DEFB114: variants seen among roughly 807,000 people sequenced by gnomAD.
DEFB114 encodes defensin beta 114.
Under a neutral mutation model 2.4 loss-of-function variants are expected in DEFB114, and 4 were observed. The ratio of observed to expected loss-of-function variants is 1.67; its 90% CI spans 0.82 to 3.82. DEFB114 has a LOEUF of 3.82. DEFB114 is among the 30% of genes most tolerant of loss of function. The pLI is 0.01. For missense variants in DEFB114, 113 were observed against 85.8 expected (o/e 1.32, Z -1.25); for synonymous variants, 35 against 24.6 (o/e 1.42, Z -1.26).
intron 1 of DEFB114, among the ~76,000 whole-genome samples, chr6:49,961,502 C>G (rs1372947598): frequency 6.6e-6 from 1 of 150,748 alleles, no homozygotes. Context: ...CTCTAGATCT[C>G]TTTCAGCTAT....
Position 49,964,086 on chromosome 6 carries a change from A to G in DEFB114, c.20T>C (p.Leu7Pro). 2 of 1,586,040 alleles carry G rather than the reference A, an allele frequency of 1.3e-6. No homozygotes were observed. The highest frequency in any genetic ancestry group is 8.6e-7 in the Non-Finnish European group (1 of 1,162,730). Reference protein sequence around the residue: MRIFYYLHFLCYVTFIL... With the variant: MRIFYYPHFLCYVTFIL... ...GAAGGTCACATAACACAGAAAATGG[A>G]GATAGTAAAAGATCCTCATTCTGTA... is the stretch of plus-strand genomic sequence containing the variant. The change falls in exon 1 of 2, where the codon CTC becomes CCC. Residue 7 changes from leucine (L) to proline (P), a missense_variant. Transcript: ENST00000322066.
rs533779730 is a variant in DEFB114 at position 49,964,145 on chromosome 6, A to G, written c.-40T>C. On this transcript the variant is annotated 5_prime_UTR_variant, in exon 1 of 2. Transcript: ENST00000322066. Reference sequence around the variant, plus strand: ...TTGTTGAAAGACTTGATAACAGAATATAGAGACTATAGAACTTTCCAAAAC... The same window carrying G: ...TTGTTGAAAGACTTGATAACAGAATGTAGAGACTATAGAACTTTCCAAAAC... 1.1e-5 allele frequency: 16 copies of G among 1,428,654 alleles called. No homozygotes were observed. The highest frequency in any genetic ancestry group is 1.3e-5 in the Non-Finnish European group (14 of 1,037,322). The allele number at this position is 1,428,654 out of a possible 1,614,324, so 88.5% of individuals were successfully genotyped here.
chr6:49,963,828 G>A (rs1456039293), intron 1 of DEFB114, among the ~76,000 whole-genome samples: 2 of 149,924 alleles, frequency 1.3e-5, no homozygotes, highest in Admixed American at 6.7e-5. Context: ...ATTGAAAGAT[G>A]TTGTCTTCAT....
At chr6:49,960,812 G>A (rs1773446229) in intron 1 of DEFB114, among the ~76,000 whole-genome samples, 1 of 150,530 alleles carries the variant, frequency 6.6e-6, no homozygotes, top group Non-Finnish European at 1.5e-5. Flanking sequence ...TAATATTTTA[G>A]GATTATGATA....
At chr6:49,961,228 T>C (rs1268364267) in intron 1 of DEFB114, among the ~76,000 whole-genome samples, 1 of 150,764 alleles carries the variant, frequency 6.6e-6, no homozygotes, top group Non-Finnish European at 1.5e-5. Flanking sequence ...TATTTTTATA[T>C]GCAGAAATGT....
intron 1 of DEFB114, 29 bp downstream of exon 1, chr6:49,964,022 C>A: frequency 1.3e-6 from 2 of 1,499,070 alleles, no homozygotes; most frequent in Non-Finnish European, 9.1e-7. Flanking sequence ...AGAAGTTTTA[C>A]ACAAATATAA....
At chr6:49,963,906 A>G (rs557420975) in intron 1 of DEFB114, 145 bp downstream of exon 1, 156 of 596,280 alleles carry the variant, frequency 2.6e-4, no homozygotes, top group Non-Finnish European at 3.9e-4. Flanking sequence ...GATATTATCA[A>G]TGAGGAAACC....
intron 1 of DEFB114, 116 bp downstream of exon 1, chr6:49,963,935 G>T: frequency 1.4e-6 from 1 of 736,916 alleles, no homozygotes; most frequent in Non-Finnish European, 2.2e-6. Flanking sequence ...GTATAATAAA[G>T]ACACTTATTT....
chr6:49,962,552 T>C (rs143372195), intron 1 of DEFB114, among the ~76,000 whole-genome samples: 25 of 150,654 alleles, frequency 1.7e-4, no homozygotes, highest in Non-Finnish European at 3.1e-4. Context: ...TTGCTTTTTT[T>C]AGTTGGTGTT....
chr6:49,962,164 G>A (rs541232309), intron 1 of DEFB114, among the ~76,000 whole-genome samples: 3 of 150,586 alleles, frequency 2.0e-5, no homozygotes, highest in African/African-American at 4.8e-5. Context: ...AATAGATAAT[G>A]CCAAACAGAT....
chr6:49,960,384 A>G lies in DEFB114; in HGVS notation c.118T>C (p.Cys40Arg). Reference sequence around the variant, plus strand: ...TCTATTTGCTTTTCACTCTCAAGACAGTCTCTTTTACAACGACCGTAACGT... The same window carrying G: ...TCTATTTGCTTTTCACTCTCAAGACGGTCTCTTTTACAACGACCGTAACGT... ...TKRYGRCKRD[C>R]LESEKQIDIC... Residue 40 changes from cysteine (C) to arginine (R), a missense_variant, in exon 2 of 2, where the codon TGT becomes CGT. Transcript: ENST00000322066. The G allele has an allele frequency of 6.2e-7, 1 of 1,608,818 alleles. No individual in the cohort carries two copies. Among genetic ancestry groups the G allele is most frequent in the African/African-American group, 1.3e-5 (1 of 74,432 alleles).
intron 1 of DEFB114, among the ~76,000 whole-genome samples, chr6:49,963,135 T>C (rs920698197): frequency 6.7e-6 from 1 of 150,184 alleles, no homozygotes; most frequent in Non-Finnish European, 1.5e-5. Flanking sequence ...AATAAAAGGA[T>C]GTTTCTAACT....
Position 49,960,269 on chromosome 6 carries a change from T to C in DEFB114, c.*23A>G. The C allele has an allele frequency of 1.9e-6, 3 of 1,575,542 alleles. No homozygotes were observed. Among genetic ancestry groups the C allele is most frequent in the Non-Finnish European group, 2.6e-6 (3 of 1,162,892 alleles). On this transcript the variant is annotated 3_prime_UTR_variant, in exon 2 of 2. Transcript: ENST00000322066. ...TGCACTGGTGCACATGTAACTTCTTTGTTCAGAGGTATGCCTTTCTTTTCA... is the reference window on the plus strand; with the variant it reads ...TGCACTGGTGCACATGTAACTTCTTCGTTCAGAGGTATGCCTTTCTTTTCA...
Position 49,964,152 on chromosome 6 carries a change from C to A in DEFB114, c.-47G>T. On this transcript the variant is annotated 5_prime_UTR_variant, in exon 1 of 2. Transcript: ENST00000322066. ...AAGACTTGATAACAGAATATAGAGA[C>A]TATAGAACTTTCCAAAACCCAAAAG... is the stretch of plus-strand genomic sequence containing the variant. The A allele has an allele frequency of 1.5e-6, 2 of 1,373,938 alleles. No homozygotes were observed. Among genetic ancestry groups the A allele is most frequent in the Non-Finnish European group, 2.0e-6 (2 of 1,002,388 alleles). 85.1% of individuals were successfully genotyped at this position (1,373,938 alleles called of 1,614,324 possible).
intron 1 of DEFB114, among the ~76,000 whole-genome samples, chr6:49,963,227 A>G (rs1280683031): frequency 2.0e-5 from 3 of 150,222 alleles, no homozygotes; most frequent in African/African-American, 7.3e-5. Context: ...ATACAGATGC[A>G]AAAAGTTTCT....
At position 49,960,990 on chromosome 6, in the gene DEFB114, A is replaced by G. The variant is rs12201015; in HGVS notation, c.56-544T>C. ...GTTGAATACTTTTCCTTCTTTTTAT[A>G]AAATTTTTTACATGCTTTGTTGATT... On this transcript the variant is annotated intron_variant, in intron 1 of 1. Coordinates refer to ENST00000322066, the MANE Select transcript of DEFB114 (RefSeq NM_001037499.2). Among the ~76,000 whole-genome samples the G allele has an allele frequency of 4.2e-3, 634 of 150,888 alleles. 1 individual carries two copies. Among genetic ancestry groups the G allele is most frequent in the Non-Finnish European group, 7.8e-3 (525 of 67,190 alleles).
chr6:49,962,585 A>G (rs1173660205), intron 1 of DEFB114, among the ~76,000 whole-genome samples: 1 of 150,452 alleles, frequency 6.6e-6, no homozygotes, highest in African/African-American at 2.4e-5. Flanking sequence ...AAAGTTTCCA[A>G]ATTTTAATGT....
chr6:49,960,530 A>G, intron 1 of DEFB114, 84 bp from the exon 2 acceptor site: 2 of 1,395,782 alleles, frequency 1.4e-6, no homozygotes, highest in Non-Finnish European at 1.9e-6. Flanking sequence ...TGATGTGTAC[A>G]TTGTATCAAG....
Position 49,960,393 on chromosome 6 carries a change from TACA to T in DEFB114, c.106_108del (p.Cys36del), listed in dbSNP as rs772172398. 6 of 1,608,372 alleles carry T rather than the reference TACA, an allele frequency of 3.7e-6. No homozygotes were observed. In the South Asian group the frequency reaches 6.6e-5, roughly 18 times the overall value. Reference sequence around the variant, plus strand: ...TTTTCACTCTCAAGACAGTCTCTTTTACAACGACCGTAACGTTTGGTGCAACGA... The same window carrying T: ...TTTTCACTCTCAAGACAGTCTCTTTTACGACCGTAACGTTTGGTGCAACGA... On this transcript the variant is annotated inframe_deletion, in exon 2 of 2. Transcript: ENST00000322066.
Sources: allele counts gnomAD v4.1 joint callset (sites outside exome capture counted in the v4.1 genomes callset), GRCh38; gene constraint gnomAD v4.1.1; transcripts MANE v1.5; gene names NCBI Gene and HGNC (gene_info 2026-07-23, HGNC 2026-07-21).